The following EPB41 variants were observed in gnomAD, a reference collection of about 807,000 sequenced individuals.
EPB41 encodes protein 4.1.
Under a neutral mutation model 108.0 loss-of-function variants are expected in EPB41, and 65 were observed. The ratio of observed to expected loss-of-function variants is 0.60; its 90% CI spans 0.49 to 0.74. EPB41 has a LOEUF of 0.74. Ranked by LOEUF, EPB41 falls within the 30% of genes least tolerant of loss-of-function variation. The probability of loss-of-function intolerance (pLI) is 0.00; values close to 1 mark genes in which losing one functional copy is unlikely to be tolerated. For missense variants in EPB41, 875 were observed against 1,037.0 expected, an observed-to-expected ratio of 0.84 and a Z score of 2.15; for synonymous variants, 336 against 358.9, an observed-to-expected ratio of 0.94 and a Z score of 0.72.
At chr1:29,062,109 C>A (rs566437531) in intron 15 of EPB41, among the ~76,000 whole-genome samples, 8 of 152,164 alleles carry the variant, frequency 5.3e-5, no homozygotes, top group Admixed American at 1.3e-4. Flanking sequence ...GAGGCTGGAC[C>A]CTCAGATATT....
chr1:29,103,868 C>T (rs926685205), intron 17 of EPB41, among the ~76,000 whole-genome samples: 4 of 152,194 alleles, frequency 2.6e-5, no homozygotes, highest in South Asian at 2.1e-4. Context: ...GGTTTTGCCA[C>T]GTTGGTCAGG....
intron 1 of EPB41, among the ~76,000 whole-genome samples, chr1:28,901,198 G>A (rs2147910255): frequency 6.6e-6 from 1 of 151,334 alleles, no homozygotes; most frequent in South Asian, 2.1e-4. Flanking sequence ...CAAAGTGCTG[G>A]GATTACAGGC....
At chr1:28,932,461 GC>G (rs2093798185) in intron 1 of EPB41, among the ~76,000 whole-genome samples, 2 of 147,002 alleles carry the variant, frequency 1.4e-5, no homozygotes, top group Admixed American at 1.4e-4. Flanking sequence ...CAAAGCTGCT[GC>G]TTTTTCTCCT....
chr1:29,047,423 T>TC (rs983909890), intron 11 of EPB41, among the ~76,000 whole-genome samples: 1 of 150,130 alleles, frequency 6.7e-6, no homozygotes, highest in Non-Finnish European at 1.5e-5. Flanking sequence ...CTAATTTTTT[T>TC]TTTTTTTTTT....
At chr1:29,052,181 A>G (rs1191113146) in intron 11 of EPB41, among the ~76,000 whole-genome samples, 1 of 152,208 alleles carries the variant, frequency 6.6e-6, no homozygotes, top group Non-Finnish European at 1.5e-5. Flanking sequence ...TGTATAGTTT[A>G]TTCTCTCTAA....
intron 1 of EPB41, among the ~76,000 whole-genome samples, chr1:28,952,205 C>CTT (rs903734147): frequency 2.8e-5 from 4 of 144,836 alleles, no homozygotes; most frequent in Non-Finnish European, 4.6e-5. Context: ...TGAGGAGATA[C>CTT]TTTTTTTTTT....
At chr1:28,994,510 A>G (rs1262551040) in intron 3 of EPB41, among the ~76,000 whole-genome samples, 1 of 151,916 alleles carries the variant, frequency 6.6e-6, no homozygotes, top group Non-Finnish European at 1.5e-5. Flanking sequence ...CTAACTATAT[A>G]TTTTTCAAAC....
At chr1:28,940,576 C>T (rs1250066394) in intron 1 of EPB41, among the ~76,000 whole-genome samples, 10 of 152,048 alleles carry the variant, frequency 6.6e-5, no homozygotes, top group South Asian at 2.1e-4. Flanking sequence ...CACTTGAACC[C>T]GGGAGGCGGA....
At chr1:28,994,463 GC>G (rs1362732119) in intron 3 of EPB41, among the ~76,000 whole-genome samples, 1 of 151,786 alleles carries the variant, frequency 6.6e-6, no homozygotes, top group African/African-American at 2.4e-5. Flanking sequence ...GAGCCACCGC[GC>G]CCGGCCAGAG....
chr1:29,033,644 ATAGCTTCT>A (rs60474165), intron 9 of EPB41, among the ~76,000 whole-genome samples: 1,573 of 152,252 alleles, frequency 0.01, 32 homozygotes, highest in African/African-American at 0.035. Context: ...ATTTGTATGC[ATAGCTTCT>A]CGTGGTTACT....
intron 16 of EPB41, among the ~76,000 whole-genome samples, chr1:29,077,676 C>CT (rs1654660314): frequency 6.6e-6 from 1 of 152,088 alleles, no homozygotes; most frequent in Admixed American, 6.6e-5. Context: ...CAAACTTTTT[C>CT]TGTAAAGTGC....
At chr1:29,103,610 TTTAACCAGGCTTAA>T (rs1286642648) in intron 17 of EPB41, among the ~76,000 whole-genome samples, 6 of 152,218 alleles carry the variant, frequency 3.9e-5, no homozygotes, top group Non-Finnish European at 8.8e-5. Context: ...TTTATTTCAT[TTTAACCAGGCTTAA>T]GACAGTCAAG....
At chr1:28,931,408 A>G (rs2093736673) in intron 1 of EPB41, among the ~76,000 whole-genome samples, 1 of 151,740 alleles carries the variant, frequency 6.6e-6, no homozygotes, top group Non-Finnish European at 1.5e-5. Context: ...AAATAGCACA[A>G]ATATCACAAA....
chr1:28,942,580 C>T (rs1010309132), intron 1 of EPB41, among the ~76,000 whole-genome samples: 1 of 152,254 alleles, frequency 6.6e-6, no homozygotes, highest in Non-Finnish European at 1.5e-5. Context: ...CTGGGCACAC[C>T]AACCTCCACG....
chr1:29,085,134 T>A (rs1658235958), intron 16 of EPB41, among the ~76,000 whole-genome samples: 2 of 151,204 alleles, frequency 1.3e-5, no homozygotes. Flanking sequence ...GGAAATACTT[T>A]GATCTTCTTT....
At chr1:28,888,701 C>T (rs2089749295) in intron 1 of EPB41, among the ~76,000 whole-genome samples, 2 of 152,232 alleles carry the variant, frequency 1.3e-5, no homozygotes, top group African/African-American at 2.4e-5. Flanking sequence ...GATCTCGGCC[C>T]ACTGCAAGCT....
chr1:28,946,070 C>T (rs764251826), intron 1 of EPB41, among the ~76,000 whole-genome samples: 31 of 151,986 alleles, frequency 2.0e-4, no homozygotes, highest in Non-Finnish European at 4.0e-4. Context: ...AGAGTGAAAA[C>T]GCTGCTGACA....
chr1:29,036,687 T>C (rs1639598046), intron 10 of EPB41, among the ~76,000 whole-genome samples: 1 of 151,138 alleles, frequency 6.6e-6, no homozygotes. Context: ...TTTTTTTTTT[T>C]TTTTTTCGAG....
chr1:29,070,859 C>A, intron 16 of EPB41: 1 of 425,000 alleles, frequency 2.4e-6, no homozygotes, highest in Non-Finnish European at 3.8e-6. Context: ...TTAAACAAAT[C>A]AGAATTAAGC....
Sources: allele counts gnomAD v4.1 joint callset (sites outside exome capture counted in the v4.1 genomes callset), GRCh38; gene constraint gnomAD v4.1.1; transcripts MANE v1.5; gene names NCBI Gene and HGNC (gene_info 2026-07-23, HGNC 2026-07-21).